The following ZBTB4 variants were observed in gnomAD, a reference collection of about 807,000 sequenced individuals.
ZBTB4 encodes the protein zinc finger and BTB domain containing 4.
ZBTB4 carries 14 observed loss-of-function variants against 59.8 expected under a neutral mutation model. That is an observed-to-expected ratio of 0.23 (90% CI 0.15 to 0.37). The LOEUF is 0.37. ZBTB4 is among the 10% of genes least tolerant of loss of function. The probability of loss-of-function intolerance (pLI) is 1.00; values close to 1 mark genes in which losing one functional copy is unlikely to be tolerated. For synonymous variants in ZBTB4, 587 were observed against 575.2 expected, an observed-to-expected ratio of 1.02 and a Z score of -0.29; for missense variants, 1,198 against 1,380.8, an observed-to-expected ratio of 0.87 and a Z score of 2.10.
intron 1 of ZBTB4, among the ~76,000 whole-genome samples, chr17:7,478,352 C>T (rs1050446590): frequency 1.3e-5 from 2 of 152,128 alleles, no homozygotes; most frequent in Non-Finnish European, 2.9e-5. Context: ...TGAGACATAC[C>T]CCGGGGTTCC....
intron 1 of ZBTB4, among the ~76,000 whole-genome samples, chr17:7,478,897 C>G (rs567888269): frequency 6.6e-6 from 1 of 152,194 alleles, no homozygotes; most frequent in African/African-American, 2.4e-5. Flanking sequence ...CTTGCCCCAC[C>G]ACACAGCACA....
Position 7,466,484 on chromosome 17 carries a change from G to A in ZBTB4, c.318C>T (p.Ser106=), listed in dbSNP as rs2070126629. 6.2e-7 allele frequency: 1 copy of A among 1,607,660 alleles called. No homozygotes were observed. Among genetic ancestry groups the A allele is most frequent in the Non-Finnish European group, 8.5e-7 (1 of 1,176,900 alleles). ...CTGGAGGGGGAGAGGAAGAGGAAGA[G>A]GAAGAAGAAGAAGAAGCAGAGGAGG... ...SSSSSASSSS[S]SSSSSPPPAS... The change falls in exon 3 of 4, where the codon TCC becomes TCT. Residue 106 remains serine, a synonymous_variant. Coordinates refer to ENST00000380599, the MANE Select transcript of ZBTB4 (RefSeq NM_001128833.2). The surrounding 1 kb of genome is among the most constrained non-coding windows in gnomAD (Gnocchi z 9.1).
Position 7,461,880 on chromosome 17 carries a change from G to A in ZBTB4, c.*60C>T. The A allele has an allele frequency of 7.0e-7, 1 of 1,434,846 alleles. No homozygotes were observed. Among genetic ancestry groups the A allele is most frequent in the Non-Finnish European group, 9.4e-7 (1 of 1,063,384 alleles). The allele number at this position is 1,434,846 out of a possible 1,614,324, so 88.9% of individuals were successfully genotyped here. A position where few individuals can be genotyped will look rare whatever the true frequency, so the allele number is the denominator to read the frequency against. ...AAGGGGCAGGGAGGCCAGGGAGCTG[G>A]TAGTGGTGGGGGGTTCAGGGAGGGT... On this transcript the variant is annotated 3_prime_UTR_variant, in exon 4 of 4. Transcript: ENST00000380599.
intron 1 of ZBTB4, among the ~76,000 whole-genome samples, chr17:7,477,298 C>T (rs961042518): frequency 6.6e-6 from 1 of 152,176 alleles, no homozygotes; most frequent in African/African-American, 2.4e-5. Context: ...GACAATCAGC[C>T]CCATTCTGCA....
At chr17:7,471,262 C>T (rs2070194110) in intron 1 of ZBTB4, among the ~76,000 whole-genome samples, 2 of 152,088 alleles carry the variant, frequency 1.3e-5, no homozygotes, top group Admixed American at 1.3e-4. Context: ...TTGCTCACTG[C>T]AGCCTGGACC....
At position 7,462,828 on chromosome 17, in the gene ZBTB4, T is replaced by A; in HGVS notation, c.2154A>T (p.Gly718=). The change falls in exon 4 of 4, where the codon GGA becomes GGT. Residue 718 remains glycine, a synonymous_variant. Coordinates refer to ENST00000380599, the MANE Select transcript of ZBTB4 (RefSeq NM_001128833.2). The surrounding 1 kb of genome is among the most constrained non-coding windows in gnomAD (Gnocchi z 7.5). The part of the protein sequence containing the change: ...EETPAAESPA[G]RARTERRHRC... ...GGTGCCTCCGCTCTGTGCGGGCACG[T>A]CCCGCTGGGCTCTCGGCCGCTGGGG... 6.2e-7 allele frequency: 1 copy of A among 1,603,222 alleles called. No individual in the cohort carries two copies. The highest frequency in any genetic ancestry group is 8.5e-7 in the Non-Finnish European group (1 of 1,179,766).
upstream of ZBTB4, among the ~76,000 whole-genome samples, chr17:7,483,848 C>A (rs2070378566): frequency 2.0e-5 from 3 of 152,240 alleles, no homozygotes; most frequent in Non-Finnish European, 2.9e-5. Context: ...GAGATGCCCA[C>A]CCGTCTCCGG....
chr17:7,460,620 CAA>C lies in ZBTB4; in HGVS notation c.*1318_*1319del, dbSNP rs2070007451. On this transcript the variant is annotated 3_prime_UTR_variant, in exon 4 of 4. Coordinates refer to ENST00000380599, the MANE Select transcript of ZBTB4 (RefSeq NM_001128833.2). ...TCACAGAGCAGGGAGGCCCAGTTTT[CAA>C]AGAGAATTAGGAGCAAACATTTATC... is the stretch of plus-strand genomic sequence containing the variant. 6.6e-6 allele frequency: 1 copy of C among 152,494 alleles called. No homozygotes were observed. The highest frequency in any genetic ancestry group is 1.5e-5 in the Non-Finnish European group (1 of 68,032). The allele number at this position is 152,494 out of a possible 1,614,324, so 9.4% of individuals were successfully genotyped here. A position where few individuals can be genotyped will look rare whatever the true frequency, so the allele number is the denominator to read the frequency against.
intron 1 of ZBTB4, among the ~76,000 whole-genome samples, chr17:7,477,850 C>A (rs1412595321): frequency 6.6e-6 from 1 of 152,154 alleles, no homozygotes; most frequent in Non-Finnish European, 1.5e-5. Context: ...AAGCTTACTT[C>A]CCTTGTGGCC....
At chr17:7,478,253 C>T (rs1184162430) in intron 1 of ZBTB4, among the ~76,000 whole-genome samples, 2 of 152,154 alleles carry the variant, frequency 1.3e-5, no homozygotes, top group Non-Finnish European at 2.9e-5. Flanking sequence ...ACAACCTTCC[C>T]CTCGCTTGGC....
chr17:7,462,167 T>C lies in ZBTB4; in HGVS notation c.2815A>G (p.Ser939Gly), dbSNP rs145526769. 1.2e-3 allele frequency: 1,942 copies of C among 1,613,730 alleles called. 7 individuals carry two copies. The highest frequency in any genetic ancestry group is 9.7e-4 in the Non-Finnish European group (1,149 of 1,179,846). The stretch of plus-strand genomic sequence containing the variant: ...GCAACCGGGAGAGCGGCCAAGTTAC[T>C]GAAGTTGTAAGGGTAGGCGGCAAGG... ...QLLAAYPYNF[S>G]NLAALPVALN... is the part of the protein sequence containing the mutation. The change falls in exon 4 of 4, where the codon AGT becomes GGT. Residue 939 changes from serine to glycine, a missense_variant. Physicochemically the swap from Ser to Gly is moderately conservative, Grantham distance 56. This residue lies in a region of ZBTB4 where 211 missense variants were observed against 236.1 expected (regional missense o/e 0.89). Coordinates refer to ENST00000380599, the MANE Select transcript of ZBTB4 (RefSeq NM_001128833.2). This position sits in a 1 kb window ranked among gnomAD's most constrained non-coding sequence, Gnocchi z 7.5.
At chr17:7,482,044 C>T (rs570297882), upstream of ZBTB4, 29 of 1,613,196 alleles carry the variant, frequency 1.8e-5, no homozygotes, top group South Asian at 1.5e-4. Flanking sequence ...CGCCGCCCTC[C>T]GCTCCACCCA....
intron 1 of ZBTB4, among the ~76,000 whole-genome samples, chr17:7,476,967 C>T (rs1479363761): frequency 6.6e-6 from 1 of 152,242 alleles, no homozygotes; most frequent in African/African-American, 2.4e-5. Flanking sequence ...AATACAGCTT[C>T]ACCTCTTACT....
At chr17:7,478,872 C>T (rs967160547) in intron 1 of ZBTB4, among the ~76,000 whole-genome samples, 1 of 152,156 alleles carries the variant, frequency 6.6e-6, no homozygotes, top group Non-Finnish European at 1.5e-5. Flanking sequence ...ACGGTGGTGC[C>T]CAGGAGAGGT....
chr17:7,476,794 G>A (rs1007958761), intron 1 of ZBTB4, among the ~76,000 whole-genome samples: 23 of 152,162 alleles, frequency 1.5e-4, no homozygotes, highest in African/African-American at 2.9e-4. Flanking sequence ...CTGAGCATCC[G>A]GGTCTTCTGA....
intron 1 of ZBTB4, among the ~76,000 whole-genome samples, chr17:7,476,969 C>A (rs2070276872): frequency 6.6e-6 from 1 of 152,212 alleles, no homozygotes; most frequent in African/African-American, 2.4e-5. Flanking sequence ...TACAGCTTCA[C>A]CTCTTACTAG....
upstream of ZBTB4, chr17:7,483,909 A>C (rs1246696892): frequency 6.6e-6 from 1 of 152,156 alleles, no homozygotes; most frequent in South Asian, 2.1e-4. Flanking sequence ...TGGTCCTGCC[A>C]TCTTGGTTTG....
rs143843294 is a variant in ZBTB4, at chr17:7,478,171, C to T, written c.-81+1285G>A. 5.9e-3 allele frequency among the ~76,000 whole-genome samples: 895 copies of T among 152,232 alleles called. 6 individuals are homozygous for T. Among genetic ancestry groups the T allele is most frequent in the African/African-American group, 0.021 (857 of 41,524 alleles). ...ATGTGTTTTCTGACCAGTTTGCCTCCCAGCTCAGCAGCCCAGACAGGCTCC... is the reference window on the plus strand; with the variant it reads ...ATGTGTTTTCTGACCAGTTTGCCTCTCAGCTCAGCAGCCCAGACAGGCTCC... On this transcript the variant is annotated intron_variant, in intron 1 of 3. Transcript: ENST00000380599.
At position 7,463,674 on chromosome 17, in the gene ZBTB4, C is replaced by T. The variant is rs1166873214; in HGVS notation, c.1308G>A (p.Glu436=). 1 of 1,613,704 alleles carries T rather than the reference C, an allele frequency of 6.2e-7. No homozygotes were observed. The highest frequency in any genetic ancestry group is 2.2e-5 in the East Asian group (1 of 44,882). Residue 436 remains glutamate (E), a synonymous_variant, in exon 4 of 4, where the codon GAG becomes GAA. Coordinates refer to ENST00000380599, the MANE Select transcript of ZBTB4 (RefSeq NM_001128833.2). ...TGTTGAGGGTTGGAGAAAGGGGAGC[C>T]TCCGGGGCTCCCTGGCTGTAGGTCT... ...PYKTYSQGAP[E]APLSPTLNTP... is the part of the protein sequence containing the mutation.
Sources: allele counts gnomAD v4.1 joint callset (sites outside exome capture counted in the v4.1 genomes callset), GRCh38; gene constraint gnomAD v4.1.1; regional missense constraint gnomAD v4.1.1; non-coding constraint Gnocchi (gnomAD v3.1); transcripts MANE v1.5; gene names NCBI Gene and HGNC (gene_info 2026-07-23, HGNC 2026-07-21).